ENPP6: variants seen among roughly 807,000 people sequenced by gnomAD.
ENPP6 encodes ectonucleotide pyrophosphatase/phosphodiesterase 6, also known as glycerophosphocholine cholinephosphodiesterase ENPP6.
Under a neutral mutation model 42.0 loss-of-function variants are expected in ENPP6, and 32 were observed. The observed-to-expected ratio is 0.76, with a 90% CI of 0.58 to 1.02. ENPP6 has a LOEUF of 1.02. ENPP6 is among the 50% of genes least tolerant of loss of function. The pLI is 0.00. For missense variants in ENPP6, 552 were observed against 566.8 expected (o/e 0.97, Z 0.27); for synonymous variants, 213 against 216.0 (o/e 0.99, Z 0.12).
chr4:184,153,428 C>T (rs1418278364), intron 2 of ENPP6, 126 bp downstream of exon 2: 1 of 1,135,926 alleles, frequency 8.8e-7, no homozygotes. Flanking sequence ...CCAGCCAATA[C>T]ATATTTCTTA....
chr4:184,126,659 T>C (rs1320680577), intron 2 of ENPP6, among the ~76,000 whole-genome samples: 2 of 152,202 alleles, frequency 1.3e-5, no homozygotes, highest in East Asian at 3.8e-4. Flanking sequence ...AGAAAAAGAA[T>C]TCCTCAGTGA....
intron 3 of ENPP6, among the ~76,000 whole-genome samples, chr4:184,123,088 C>T (rs1009459290): frequency 6.6e-6 from 1 of 152,228 alleles, no homozygotes; most frequent in Non-Finnish European, 1.5e-5. Flanking sequence ...TCCCTGGACC[C>T]TCTTGATAGG....
intron 1 of ENPP6, among the ~76,000 whole-genome samples, chr4:184,209,099 C>T (rs1174669483): frequency 1.3e-5 from 2 of 149,586 alleles, no homozygotes; most frequent in Non-Finnish European, 3.0e-5. Flanking sequence ...TCACCGTCAT[C>T]AAAGACCAAA....
rs1034857521 is a variant in ENPP6 at position 184,174,124 on chromosome 4, G to C, written c.242-20391C>G. Among the ~76,000 whole-genome samples the C allele has an allele frequency of 2.7e-5, 4 of 147,168 alleles. No homozygotes were observed. In the East Asian group the frequency reaches 8.2e-4, roughly 30 times the overall value. On this transcript the variant is annotated intron_variant, in intron 1 of 7. Transcript: ENST00000296741. ...AGTGAAAAAGCAAGCTCTTAGAAGA[G>C]GTCCCAAATCCTTTTTTTTTTTTTT...
At chr4:184,177,482 C>A (rs1011581264) in intron 1 of ENPP6, among the ~76,000 whole-genome samples, 1 of 152,310 alleles carries the variant, frequency 6.6e-6, no homozygotes, top group South Asian at 2.1e-4. Context: ...GGATTCCTTC[C>A]AGCACAGTGC....
chr4:184,208,478 G>A (rs77909052), intron 1 of ENPP6, among the ~76,000 whole-genome samples: 2 of 152,162 alleles, frequency 1.3e-5, no homozygotes, highest in Non-Finnish European at 2.9e-5. Context: ...AAGGGGTGAC[G>A]GATGGCATCT....
intron 1 of ENPP6, among the ~76,000 whole-genome samples, chr4:184,215,031 G>C (rs561655515): frequency 6.6e-6 from 1 of 152,180 alleles, no homozygotes; most frequent in Non-Finnish European, 1.5e-5. Flanking sequence ...GCATTGCCTA[G>C]TTCTATGTCT....
chr4:184,123,530 C>T (rs1435957153), intron 3 of ENPP6, among the ~76,000 whole-genome samples: 3 of 152,186 alleles, frequency 2.0e-5, no homozygotes, highest in African/African-American at 7.2e-5. Flanking sequence ...TTAATGCAAA[C>T]TCCCACTTGG....
chr4:184,150,904 T>C (rs975281452), intron 2 of ENPP6, among the ~76,000 whole-genome samples: 3 of 152,242 alleles, frequency 2.0e-5, no homozygotes, highest in Non-Finnish European at 2.9e-5. Context: ...CCATTAGCTG[T>C]TAGACTGTGA....
intron 2 of ENPP6, among the ~76,000 whole-genome samples, chr4:184,126,603 G>A (rs890000502): frequency 1.3e-5 from 2 of 152,208 alleles, no homozygotes; most frequent in African/African-American, 4.8e-5. Context: ...ACATCAGAGT[G>A]GAAAGGGATC....
intron 3 of ENPP6, among the ~76,000 whole-genome samples, chr4:184,118,903 G>A (rs1045609973): frequency 6.6e-6 from 1 of 152,206 alleles, no homozygotes; most frequent in Non-Finnish European, 1.5e-5. Flanking sequence ...TCCTAGCCCT[G>A]GGGTTTCAGG....
chr4:184,156,395 A>G (rs1012509246), intron 1 of ENPP6, among the ~76,000 whole-genome samples: 8 of 152,174 alleles, frequency 5.3e-5, no homozygotes, highest in Non-Finnish European at 1.2e-4. Context: ...TGCCTCGGTA[A>G]AATTGGTGGC....
chr4:184,171,630 A>C (rs946005304), intron 1 of ENPP6, among the ~76,000 whole-genome samples: 1 of 152,256 alleles, frequency 6.6e-6, no homozygotes, highest in Non-Finnish European at 1.5e-5. Flanking sequence ...TACATTTGTC[A>C]CAGCTTTGTC....
intron 1 of ENPP6, among the ~76,000 whole-genome samples, chr4:184,200,812 C>T (rs2111115168): frequency 6.6e-6 from 1 of 152,310 alleles, no homozygotes; most frequent in East Asian, 1.9e-4. Context: ...CACCTGGAGC[C>T]CACTCCTGGT....
chr4:184,153,866 TA>T (rs909571990), intron 1 of ENPP6, 133 bp from the exon 2 acceptor site: 380 of 969,464 alleles, frequency 3.9e-4, no homozygotes, highest in Middle Eastern at 6.7e-4. Context: ...CTTTTGACTT[TA>T]AAAAAAAATC....
rs1735864314 is a variant in ENPP6 at position 184,094,553 on chromosome 4, A to G, written c.1117+2692T>C. 2.0e-5 allele frequency among the ~76,000 whole-genome samples: 3 copies of G among 152,266 alleles called. 1 individual carries two copies. In the South Asian group the frequency reaches 6.2e-4, roughly 31 times the overall value. The stretch of plus-strand genomic sequence containing the variant: ...TAGAAAATTCCTGAAGAGCAAAACA[A>G]TGCCTGATCCAACTGAGGACCCAGA... On this transcript the variant is annotated intron_variant, in intron 7 of 7. Transcript: ENST00000296741.
At chr4:184,123,360 G>A (rs1011412573) in intron 3 of ENPP6, among the ~76,000 whole-genome samples, 8 of 152,080 alleles carry the variant, frequency 5.3e-5, no homozygotes, top group East Asian at 1.9e-4. Flanking sequence ...CTTTTCTTGG[G>A]GGGATGAAGG....
chr4:184,151,433 C>A (rs183293671), intron 2 of ENPP6, among the ~76,000 whole-genome samples: 56 of 152,322 alleles, frequency 3.7e-4, no homozygotes, highest in Non-Finnish European at 7.5e-4. Context: ...GGATCTCCTC[C>A]CACTTGGCTG....
chr4:184,142,504 G>T (rs976543107), intron 2 of ENPP6, among the ~76,000 whole-genome samples: 1 of 122,624 alleles, frequency 8.2e-6, no homozygotes, highest in African/African-American at 2.5e-5. Flanking sequence ...TGCCCACGGG[G>T]CTGGGGGACG....
Sources: gnomAD v4.1 joint callset for allele counts (sites outside exome capture counted in the v4.1 genomes callset) on GRCh38, gnomAD v4.1.1 for gene constraint, MANE v1.5 for transcripts, NCBI Gene and HGNC (gene_info 2026-07-23, HGNC 2026-07-21) for gene names.